Variants in NSL1 observed in about 807,000 individuals in gnomAD.
NSL1 encodes the protein kinetochore-associated protein NSL1 homolog.
In NSL1, 11 loss-of-function variants were observed where a neutral mutation model predicts 25.4. That is an observed-to-expected ratio of 0.43 (90% CI 0.27 to 0.72). The LOEUF (loss-of-function observed/expected upper bound fraction) is 0.72, where lower values mean the gene tolerates loss of function less well. Ranked by LOEUF, NSL1 falls within the 30% of genes least tolerant of loss-of-function variation. The pLI is 0.19. For synonymous variants in NSL1, 118 were observed against 120.6 expected (o/e 0.98, Z 0.14); for missense variants, 330 against 342.7 (o/e 0.96, Z 0.29).
At chr1:212,780,911 T>C (rs1660706769) in intron 4 of NSL1, among the ~76,000 whole-genome samples, 1 of 152,126 alleles carries the variant, frequency 6.6e-6, no homozygotes, top group Admixed American at 6.5e-5. Flanking sequence ...TAATATTTAG[T>C]GCAGAGCTGG....
intron 4 of NSL1, among the ~76,000 whole-genome samples, chr1:212,746,366 C>A (rs893377129): frequency 1.3e-5 from 2 of 151,938 alleles, no homozygotes; most frequent in Non-Finnish European, 2.9e-5. Flanking sequence ...ATTTCAGATG[C>A]AAATTGTAAT....
chr1:212,735,327 T>A lies in NSL1; in HGVS notation c.*3081A>T. The A allele has an allele frequency of 5.1e-6, 5 of 985,388 alleles. No homozygotes were observed. The highest frequency in any genetic ancestry group is 6.0e-6 in the Non-Finnish European group (5 of 829,880). The allele number at this position is 985,388 out of a possible 1,614,324, so 61.0% of individuals were successfully genotyped here. On this transcript the variant is annotated 3_prime_UTR_variant, in exon 6 of 6. Coordinates refer to ENST00000366977, the MANE Select transcript of NSL1 (RefSeq NM_015471.4). ...TTTGATCCGAGTAGGTGTCCAACTG[T>A]ATGTGTTGAACAGATGAATAAATGA...
intron 4 of NSL1, among the ~76,000 whole-genome samples, chr1:212,768,552 C>T (rs1268225720): frequency 6.6e-6 from 1 of 152,056 alleles, no homozygotes; most frequent in African/African-American, 2.4e-5. Flanking sequence ...TAAAAAAGAA[C>T]AAAATAATAG....
At chr1:212,754,907 G>T (rs1392324129) in intron 4 of NSL1, among the ~76,000 whole-genome samples, 2 of 152,264 alleles carry the variant, frequency 1.3e-5, no homozygotes, top group Non-Finnish European at 2.9e-5. Context: ...AATCTCCAGT[G>T]TCACACTGGG....
chr1:212,756,838 G>T (rs1016394462), intron 4 of NSL1, among the ~76,000 whole-genome samples: 6 of 151,988 alleles, frequency 3.9e-5, no homozygotes, highest in Non-Finnish European at 8.8e-5. Context: ...GAAAAGAAAA[G>T]AAAAAAGAGG....
chr1:212,746,329 G>T (rs1380324432), intron 4 of NSL1, among the ~76,000 whole-genome samples: 1 of 152,010 alleles, frequency 6.6e-6, no homozygotes, highest in Non-Finnish European at 1.5e-5. Context: ...AACTAAAGTG[G>T]TATTAATTCA....
chr1:212,777,210 CA>C (rs1255385858), intron 4 of NSL1, among the ~76,000 whole-genome samples: 2 of 151,156 alleles, frequency 1.3e-5, no homozygotes, highest in African/African-American at 2.4e-5. Context: ...TCCATCGCTA[CA>C]AAAAAAAATT....
At chr1:212,790,666 T>C (rs1661171921) in intron 1 of NSL1, among the ~76,000 whole-genome samples, 1 of 151,998 alleles carries the variant, frequency 6.6e-6, no homozygotes, top group African/African-American at 2.4e-5. Flanking sequence ...CTCACGCCTG[T>C]AATACCAGCA....
intron 4 of NSL1, among the ~76,000 whole-genome samples, chr1:212,781,584 G>T (rs927213625): frequency 1.3e-5 from 2 of 152,156 alleles, no homozygotes; most frequent in Non-Finnish European, 2.9e-5. Flanking sequence ...TTTGGGGAAG[G>T]TGGAGGAACA....
rs1288929392 is a variant in NSL1 at position 212,731,815 on chromosome 1, A to G, written c.*6593T>C. On this transcript the variant is annotated 3_prime_UTR_variant, in exon 6 of 6. Coordinates refer to ENST00000366977, the MANE Select transcript of NSL1 (RefSeq NM_015471.4). ...ACACTGTTACAAACATATGGATTGT[A>G]CTGGTTGGCACAGAAGCCTCCTCAC... 1.0e-6 allele frequency: 1 copy of G among 985,214 alleles called. No homozygotes were observed. The highest frequency in any genetic ancestry group is 1.2e-6 in the Non-Finnish European group (1 of 829,920). The allele number at this position is 985,214 out of a possible 1,614,324, so 61.0% of individuals were successfully genotyped here.
intron 3 of NSL1, among the ~76,000 whole-genome samples, chr1:212,783,049 G>A (rs1472661618): frequency 6.6e-6 from 1 of 152,176 alleles, no homozygotes; most frequent in Non-Finnish European, 1.5e-5. Flanking sequence ...ACTCACACTT[G>A]TAATTGCAGC....
intron 4 of NSL1, among the ~76,000 whole-genome samples, chr1:212,740,108 T>C (rs1658435657): frequency 6.6e-6 from 1 of 152,144 alleles, no homozygotes; most frequent in South Asian, 2.1e-4. Context: ...GCATATTCAA[T>C]GATACAGAAA....
At chr1:212,768,338 A>AAC (rs1223816551) in intron 4 of NSL1, among the ~76,000 whole-genome samples, 29 of 151,482 alleles carry the variant, frequency 1.9e-4, no homozygotes, top group African/African-American at 6.8e-4. Context: ...AAAAAAAAAA[A>AAC]AAAAAACTAA....
At chr1:212,778,416 T>C (rs1558060948) in intron 4 of NSL1, among the ~76,000 whole-genome samples, 4 of 152,226 alleles carry the variant, frequency 2.6e-5, no homozygotes, top group African/African-American at 7.2e-5. Flanking sequence ...CTCCTCTCTC[T>C]CCCCTCTCCC....
At chr1:212,781,567 TA>T (rs1660734130) in intron 4 of NSL1, among the ~76,000 whole-genome samples, 1 of 152,174 alleles carries the variant, frequency 6.6e-6, no homozygotes, top group South Asian at 2.1e-4. Flanking sequence ...CCCATTAGCT[TA>T]GGATATTTGG....
rs1660983193 is a variant in NSL1, at chr1:212,787,176, A to T, written c.313+383T>A. ...ACTTCATCTCAAAAAAAAAAAAAAAATTGTCTTTTTAAGGAACCTTCTACA... is the reference window on the plus strand; with the variant it reads ...ACTTCATCTCAAAAAAAAAAAAAAATTTGTCTTTTTAAGGAACCTTCTACA... On this transcript the variant is annotated intron_variant, in intron 2 of 5. Coordinates refer to ENST00000366977, the MANE Select transcript of NSL1 (RefSeq NM_015471.4). 2.0e-5 allele frequency among the ~76,000 whole-genome samples: 3 copies of T among 151,848 alleles called. No homozygotes were observed. The South Asian group carries it at 6.2e-4, about 32-fold the overall frequency.
intron 4 of NSL1, among the ~76,000 whole-genome samples, chr1:212,746,816 C>T (rs1404568924): frequency 6.6e-6 from 1 of 152,170 alleles, no homozygotes; most frequent in East Asian, 1.9e-4. Flanking sequence ...ACTGCCACAA[C>T]AAAAAATAAG....
At chr1:212,749,780 C>A (rs901627037) in intron 4 of NSL1, among the ~76,000 whole-genome samples, 6 of 151,778 alleles carry the variant, frequency 4.0e-5, no homozygotes, top group Non-Finnish European at 8.8e-5. Flanking sequence ...ATCGGTTGCA[C>A]AAGCAATGAC....
intron 4 of NSL1, among the ~76,000 whole-genome samples, chr1:212,767,573 A>T (rs956048295): frequency 6.6e-6 from 1 of 152,242 alleles, no homozygotes; most frequent in Non-Finnish European, 1.5e-5. Flanking sequence ...AATAAATGGG[A>T]CCTAATTAAA....
Sources: allele counts gnomAD v4.1 joint callset (sites outside exome capture counted in the v4.1 genomes callset), GRCh38; gene constraint gnomAD v4.1.1; transcripts MANE v1.5; gene names NCBI Gene and HGNC (gene_info 2026-07-23, HGNC 2026-07-21).